The following NLRP2 variants were observed in gnomAD, a reference collection of about 807,000 sequenced individuals.
NLRP2 encodes the protein NACHT, LRR and PYD domains-containing protein 2.
A neutral mutation model predicts 97.2 loss-of-function variants in NLRP2; 107 were observed. The ratio of observed to expected loss-of-function variants is 1.10; its 90% CI spans 0.94 to 1.29. NLRP2 has a LOEUF of 1.29. NLRP2 is among the 50% of genes most tolerant of loss of function. The probability of loss-of-function intolerance (pLI) is 0.00; values close to 1 mark genes in which losing one functional copy is unlikely to be tolerated. For missense variants in NLRP2, 1,495 were observed against 1,330.3 expected (o/e 1.12, Z -1.93); for synonymous variants, 663 against 551.5 (o/e 1.20, Z -2.83).
intron 6 of NLRP2, 26 bp downstream of exon 6, chr19:54,983,754 C>T (rs374333934): frequency 2.7e-5 from 43 of 1,604,042 alleles, no homozygotes; most frequent in African/African-American, 8.0e-5. Flanking sequence ...CTCTACCAGT[C>T]GTTCCATCTT....
chr19:54,972,087 C>T, intron 2 of NLRP2, among the ~76,000 whole-genome samples: 1 of 151,598 alleles, frequency 6.6e-6, no homozygotes, highest in African/African-American at 2.4e-5. Context: ...CATGATCTGC[C>T]CGCCTCGGCC....
At chr19:54,979,599 C>T (rs1481741335) in intron 4 of NLRP2, among the ~76,000 whole-genome samples, 1 of 152,038 alleles carries the variant, frequency 6.6e-6, no homozygotes, top group Non-Finnish European at 1.5e-5. Flanking sequence ...GATCCACCCA[C>T]TTCGGCCTCC....
At chr19:54,984,945 C>T in intron 6 of NLRP2, 102 bp from the exon 7 acceptor site, 1 of 1,095,556 alleles carries the variant, frequency 9.1e-7, no homozygotes, top group South Asian at 1.2e-5. Context: ...GTCCAGCTTT[C>T]AATTGTACTC....
At chr19:54,971,438 A>G (rs559575942) in intron 2 of NLRP2, among the ~76,000 whole-genome samples, 92 of 152,232 alleles carry the variant, frequency 6.0e-4, no homozygotes, top group African/African-American at 2.1e-3. Context: ...AGTCCCACCA[A>G]CAGTGTGAAA....
In NLRP2 at chr19:54,976,810, C is replaced by CTTTTTTTTTTTTTTTTTTTTTTTTTTTT. The variant is rs749684265; in HGVS notation, c.326-941_326-940insTTTTTTTTTTTTTTTTTTTTTTTTTTTT. On this transcript the variant is annotated intron_variant, in intron 3 of 12. Transcript: ENST00000448584. ...TTATTAGGATTCCACCTTGTTCTCT[C>CTTTTTTTTTTTTTTTTTTTTTTTTTTTT]TCTTTTTTTTTTTTTTTTTGATACG... The CTTTTTTTTTTTTTTTTTTTTTTTTTTTT allele has an allele frequency of 1.5e-3, 476 of 320,208 alleles. 109 individuals carry two copies. Among genetic ancestry groups the CTTTTTTTTTTTTTTTTTTTTTTTTTTTT allele is most frequent in the East Asian group, 2.1e-3 (18 of 8,530 alleles). 19.8% of individuals were successfully genotyped at this position (320,208 alleles called of 1,614,324 possible).
At position 54,982,737 on chromosome 19, in the gene NLRP2, C is replaced by T. The variant is rs769589997; in HGVS notation, c.1039C>T (p.Leu347=). The T allele has an allele frequency of 1.2e-6, 2 of 1,614,066 alleles. No individual in the cohort carries two copies. Among genetic ancestry groups the T allele is most frequent in the Non-Finnish European group, 1.7e-6 (2 of 1,179,976 alleles). Residue 347 remains leucine (L), a synonymous_variant, in exon 6 of 13, where the codon CTG becomes TTG. Coordinates refer to ENST00000448584, the MANE Select transcript of NLRP2 (RefSeq NM_017852.5). ...RPRALRDLRI[L]AEEPIYIRVE... ...CAGGGCCCTGAGGGACCTCCGGATC[C>T]TGGCGGAGGAGCCGATCTACATAAG...
In NLRP2 at chr19:54,982,694, G is replaced by C; in HGVS notation, c.996G>C (p.Leu332=). ...LNRVMLPKAA[L]LVTTRPRALR... is the part of the protein sequence containing the mutation. ...GGGTGATGTTACCCAAGGCCGCCCTGCTGGTCACCACGCGGCCCAGGGCCC... is the reference window on the plus strand; with the variant it reads ...GGGTGATGTTACCCAAGGCCGCCCTCCTGGTCACCACGCGGCCCAGGGCCC... The change falls in exon 6 of 13, where the codon CTG becomes CTC. Residue 332 remains leucine (L), a synonymous_variant. Transcript: ENST00000448584. 4 of 1,614,086 alleles carry C rather than the reference G, an allele frequency of 2.5e-6. No individual in the cohort carries two copies. The highest frequency in any genetic ancestry group is 3.4e-6 in the Non-Finnish European group (4 of 1,179,972).
At position 54,986,286 on chromosome 19, in the gene NLRP2, A is replaced by G; in HGVS notation, c.2337A>G (p.Arg779=). 1 of 1,614,104 alleles carries G rather than the reference A, an allele frequency of 6.2e-7. No individual in the cohort carries two copies. The highest frequency in any genetic ancestry group is 8.5e-7 in the Non-Finnish European group (1 of 1,179,974). ...TTCCCGCATTGTGTGAGGTCTTGAG[A>G]CATCCAGAATGTAACCTGCGATATC... is the stretch of plus-strand genomic sequence containing the variant. ...DMFPALCEVL[R]HPECNLRYLG... Residue 779 remains arginine (R), a synonymous_variant, in exon 8 of 13, where the codon AGA becomes AGG. Transcript: ENST00000448584.
chr19:54,969,955 C>G (rs2146334951), intron 1 of NLRP2, 44 bp from the exon 2 acceptor site: 2 of 1,581,444 alleles, frequency 1.3e-6, no homozygotes, highest in East Asian at 4.5e-5. Context: ...GACAGGAGTG[C>G]TAATCACCAT....
intron 10 of NLRP2, chr19:54,991,425 T>G (rs2072467774): frequency 6.6e-6 from 1 of 152,174 alleles, no homozygotes; most frequent in Admixed American, 6.6e-5. Flanking sequence ...TGGTGGGACA[T>G]GCCTGTAATC....
intron 3 of NLRP2, among the ~76,000 whole-genome samples, chr19:54,975,126 T>TTTTTTTTTTTTTTTG (rs2071133120): frequency 9.1e-6 from 1 of 110,452 alleles, no homozygotes; most frequent in Non-Finnish European, 1.8e-5. Context: ...TTTTTTTTTT[T>TTTTTTTTTTTTTTTG]TTTTTTTTTT....
intron 1 of NLRP2, among the ~76,000 whole-genome samples, chr19:54,968,511 T>G (rs144396769): frequency 2.8e-4 from 43 of 151,308 alleles, no homozygotes; most frequent in African/African-American, 9.7e-4. Flanking sequence ...TTTTTTGTAT[T>G]TTTTTGTAGA....
At position 54,994,452 on chromosome 19, in the gene NLRP2, A is replaced by G. The variant is rs1323897070; in HGVS notation, c.2879+13A>G. Reference sequence around the variant, plus strand: ...TGAGATGTCTGTGGTGAGTTAACTTATAAGTTCAACTTCCTATACTTACAC... The same window carrying G: ...TGAGATGTCTGTGGTGAGTTAACTTGTAAGTTCAACTTCCTATACTTACAC... On this transcript the variant is annotated intron_variant, in intron 11 of 12. Coordinates refer to ENST00000448584, the MANE Select transcript of NLRP2 (RefSeq NM_017852.5). 2.5e-6 allele frequency: 4 copies of G among 1,612,010 alleles called. No individual in the cohort carries two copies. The highest frequency in any genetic ancestry group is 2.7e-5 in the African/African-American group (2 of 74,858).
chr19:54,987,288 G>A (rs1050747904), intron 8 of NLRP2, among the ~76,000 whole-genome samples: 2 of 152,134 alleles, frequency 1.3e-5, no homozygotes, highest in Non-Finnish European at 2.9e-5. Flanking sequence ...CATTTTTCAA[G>A]CAAGAACCCT....
chr19:54,981,618 G>GT lies in NLRP2; in HGVS notation c.402dup (p.Thr135TyrfsTer12). The GT allele has an allele frequency of 1.3e-6, 2 of 1,517,588 alleles. No homozygotes were observed. Among genetic ancestry groups the GT allele is most frequent in the Non-Finnish European group, 1.8e-6 (2 of 1,111,076 alleles). 94.0% of individuals were successfully genotyped at this position (1,517,588 alleles called of 1,614,324 possible). On this transcript the variant is annotated frameshift_variant and splice_region_variant, in exon 5 of 13. Transcript: ENST00000448584. LOFTEE classifies it high-confidence loss of function. ...CTCACATGAGTTTGTATTTTGTAGC[G>GT]TTTACAGAAACGAAAGGAAATGTCA...
chr19:54,997,482 A>G lies in NLRP2; in HGVS notation c.3045A>G (p.Thr1015=), dbSNP rs764115010. 2.5e-6 allele frequency: 4 copies of G among 1,614,116 alleles called. No homozygotes were observed. The highest frequency in any genetic ancestry group is 3.3e-5 in the Admixed American group (2 of 60,014). The stretch of plus-strand genomic sequence containing the variant: ...CATGTTCCAGTGGCACCCTCCGGAC[A>G]CTCAGGTATGATCCATTTACTTCCC... ...TLTCSSGTLR[T]LRLKIDDFND... The change falls in exon 12 of 13, where the codon ACA becomes ACG. Residue 1015 remains threonine, a synonymous_variant. Coordinates refer to ENST00000448584, the MANE Select transcript of NLRP2 (RefSeq NM_017852.5).
In NLRP2 at chr19:54,980,644, A is replaced by G. The variant is rs530176374; in HGVS notation, c.398-973A>G. Among the ~76,000 whole-genome samples, 177 of 152,350 alleles carry G rather than the reference A, an allele frequency of 1.2e-3. 3 individuals carry two copies. Among genetic ancestry groups the G allele is most frequent in the Admixed American group, 3.1e-3 (47 of 15,290 alleles). Reference sequence around the variant, plus strand: ...GACCAAAGCTTCCTGCAGATTTTATAGAATAGGGCTTGGGCTGATTGATAA... The same window carrying G: ...GACCAAAGCTTCCTGCAGATTTTATGGAATAGGGCTTGGGCTGATTGATAA... On this transcript the variant is annotated intron_variant, in intron 4 of 12. Coordinates refer to ENST00000448584, the MANE Select transcript of NLRP2 (RefSeq NM_017852.5).
At position 54,982,577 on chromosome 19, in the gene NLRP2, G is replaced by A. The variant is rs767083504; in HGVS notation, c.879G>A (p.Leu293=). 6.2e-7 allele frequency: 1 copy of A among 1,614,198 alleles called. No individual in the cohort carries two copies. The highest frequency in any genetic ancestry group is 8.5e-7 in the Non-Finnish European group (1 of 1,180,044). ...ILFVIDGFDE[L]GAAPGALIED... ...TCGTGATTGACGGCTTTGATGAGCT[G>A]GGAGCCGCACCTGGGGCGCTGATCG... Residue 293 remains leucine (L), a synonymous_variant, in exon 6 of 13, where the codon CTG becomes CTA. Transcript: ENST00000448584.
chr19:54,990,298 C>A, intron 9 of NLRP2, 106 bp downstream of exon 9: 1 of 1,244,150 alleles, frequency 8.0e-7, no homozygotes, highest in Non-Finnish European at 1.2e-6. Flanking sequence ...CTGATGTGAA[C>A]ACCTGTTCCC....
Sources: allele counts gnomAD v4.1 joint callset (sites outside exome capture counted in the v4.1 genomes callset), GRCh38; gene constraint gnomAD v4.1.1; transcripts MANE v1.5; gene names NCBI Gene and HGNC (gene_info 2026-07-23, HGNC 2026-07-21).